ILRUN: variants seen among roughly 807,000 people sequenced by gnomAD.
ILRUN encodes the protein protein ILRUN.
A neutral mutation model predicts 33.8 loss-of-function variants in ILRUN; 3 were observed. That is an observed-to-expected ratio of 0.09 (90% CI 0.04 to 0.23). The LOEUF (loss-of-function observed/expected upper bound fraction) is 0.23. ILRUN is among the 10% of genes least tolerant of loss of function. ILRUN has a pLI of 1.00. For synonymous variants in ILRUN, 124 were observed against 138.9 expected (o/e 0.89, Z 0.75); for missense variants, 210 against 375.1 (o/e 0.56, Z 3.64).
chr6:34,655,231 C>T (rs1028636147), intron 1 of ILRUN, among the ~76,000 whole-genome samples: 5 of 152,154 alleles, frequency 3.3e-5, no homozygotes, highest in Non-Finnish European at 7.4e-5. Flanking sequence ...TCCATCTCAG[C>T]CTCCCAAAGT....
intron 1 of ILRUN, among the ~76,000 whole-genome samples, chr6:34,674,322 C>T (rs1463327921): frequency 1.3e-5 from 2 of 152,182 alleles, no homozygotes; most frequent in African/African-American, 2.4e-5. Context: ...CCACCGCGCC[C>T]GGCCCCCAAA....
intron 3 of ILRUN, among the ~76,000 whole-genome samples, chr6:34,621,613 CT>C (rs1762013959): frequency 6.6e-6 from 1 of 152,112 alleles, no homozygotes. Flanking sequence ...AATCCCAGCA[CT>C]TTGGGTGGCC....
At chr6:34,640,190 C>T (rs1358593162) in intron 3 of ILRUN, among the ~76,000 whole-genome samples, 1 of 152,018 alleles carries the variant, frequency 6.6e-6, no homozygotes, top group Admixed American at 6.6e-5. Flanking sequence ...GGTGAAGCCA[C>T]GGATCTTTAG....
chr6:34,601,704 CG>C (rs200798135), intron 4 of ILRUN, among the ~76,000 whole-genome samples: 3,841 of 95,154 alleles, frequency 0.04, 158 homozygotes, highest in African/African-American at 0.16. Flanking sequence ...CTCCAGTACC[CG>C]CCCCCCCAAC....
At chr6:34,694,068 G>A (rs1763704939) in intron 1 of ILRUN, among the ~76,000 whole-genome samples, 1 of 152,102 alleles carries the variant, frequency 6.6e-6, no homozygotes, top group African/African-American at 2.4e-5. Context: ...TGATCCTCCT[G>A]CCTCACCTGG....
chr6:34,616,664 G>T, intron 3 of ILRUN: 1 of 1,175,680 alleles, frequency 8.5e-7, no homozygotes, highest in South Asian at 1.2e-5. Flanking sequence ...GCTTTGAAAG[G>T]CAAGGAGGAA....
At chr6:34,620,771 G>A (rs1181862643) in intron 3 of ILRUN, among the ~76,000 whole-genome samples, 2 of 152,348 alleles carry the variant, frequency 1.3e-5, no homozygotes, top group African/African-American at 2.4e-5. Context: ...TGAGGCTGCA[G>A]TAAGCTACGA....
At chr6:34,601,781 T>C (rs2127315491) in intron 4 of ILRUN, among the ~76,000 whole-genome samples, 1 of 151,426 alleles carries the variant, frequency 6.6e-6, no homozygotes, top group Middle Eastern at 3.4e-3. Flanking sequence ...TCAACATAGA[T>C]AGCAGCAGGT....
At chr6:34,663,590 T>C (rs548104732) in intron 1 of ILRUN, among the ~76,000 whole-genome samples, 2 of 152,272 alleles carry the variant, frequency 1.3e-5, no homozygotes, top group African/African-American at 4.8e-5. Context: ...GCAATCCTCC[T>C]GCCTTGGCCT....
intron 3 of ILRUN, among the ~76,000 whole-genome samples, chr6:34,642,714 C>A (rs190792937): frequency 1.4e-5 from 2 of 147,836 alleles, no homozygotes; most frequent in Non-Finnish European, 3.0e-5. Flanking sequence ...GAGAGCTGGG[C>A]ACAGTGGCTC....
rs1762569145 is a variant in ILRUN, at chr6:34,646,638, C to A, written c.474G>T (p.Gln158His). The A allele has an allele frequency of 1.2e-6, 2 of 1,614,038 alleles. No individual in the cohort carries two copies. The highest frequency in any genetic ancestry group is 2.7e-5 in the African/African-American group (2 of 74,930). ...SPSRAGMYQG[Q>H]WRMCTATGLY... is the part of the protein sequence containing the mutation. ...GTCCTGTAGCAGTGCACATCCGCCA[C>A]TGTCCCTGATACATTCCTGCTCTGC... Residue 158 changes from glutamine (Q) to histidine (H), a missense_variant, in exon 3 of 5, where the codon CAG becomes CAT. Around this residue, in one of 4 missense-constraint regions of ILRUN, gnomAD observed 60 missense variants for 138.1 expected, o/e 0.43. Coordinates refer to ENST00000374023, the MANE Select transcript of ILRUN (RefSeq NM_024294.4). This position sits in a 1 kb window ranked among gnomAD's most constrained non-coding sequence, Gnocchi z 4.9.
intron 1 of ILRUN, among the ~76,000 whole-genome samples, chr6:34,663,878 G>A (rs574638939): frequency 6.6e-6 from 1 of 152,274 alleles, no homozygotes; most frequent in South Asian, 2.1e-4. Flanking sequence ...TTAATCAGCT[G>A]ACCTTAAAAT....
In ILRUN at chr6:34,606,587, C is replaced by T. The variant is rs1441314626; in HGVS notation, c.829G>A (p.Ala277Thr). 6.2e-6 allele frequency: 10 copies of T among 1,613,880 alleles called. No homozygotes were observed. The highest frequency in any genetic ancestry group is 2.2e-5 in the East Asian group (1 of 44,896). Residue 277 changes from alanine to threonine, a missense_variant, in exon 4 of 5, where the codon GCA becomes ACA. This residue lies in a region of ILRUN where 81 missense variants were observed against 97.0 expected (regional missense o/e 0.84). Transcript: ENST00000374023. ...TAAGTCACTACTGATAAGTTGTTTG[C>T]GTGACTGCTGGGAGACAGATTTACA... The part of the protein sequence containing the change: ...NSVNLSPSSH[A>T]NNLSVVTYSK...
chr6:34,687,990 T>A (rs1763561164), intron 1 of ILRUN, among the ~76,000 whole-genome samples: 1 of 152,052 alleles, frequency 6.6e-6, no homozygotes, highest in Non-Finnish European at 1.5e-5. Flanking sequence ...TATTCAAAAC[T>A]TTACTACTCA....
chr6:34,614,731 T>C (rs1582046073), intron 3 of ILRUN, among the ~76,000 whole-genome samples: 2 of 152,018 alleles, frequency 1.3e-5, no homozygotes. Context: ...AACTCTACAA[T>C]AGAAAAACCT....
At chr6:34,643,516 T>G (rs1287861364) in intron 3 of ILRUN, among the ~76,000 whole-genome samples, 3 of 152,114 alleles carry the variant, frequency 2.0e-5, no homozygotes, top group Non-Finnish European at 2.9e-5. Context: ...TTCCTAGTCT[T>G]AAAAATCTTT....
intron 1 of ILRUN, among the ~76,000 whole-genome samples, chr6:34,694,432 A>G (rs1469672668): frequency 2.0e-5 from 3 of 152,204 alleles, no homozygotes; most frequent in Non-Finnish European, 4.4e-5. Context: ...GGTGGGAAGC[A>G]GTCAGGCAAG....
chr6:34,640,591 T>C (rs1487352854), intron 3 of ILRUN, among the ~76,000 whole-genome samples: 1 of 151,864 alleles, frequency 6.6e-6, no homozygotes, highest in Admixed American at 6.6e-5. Flanking sequence ...GCACCTGTAG[T>C]CCCAGCTATT....
At chr6:34,613,222 C>A (rs1450308587) in intron 3 of ILRUN, among the ~76,000 whole-genome samples, 1 of 151,048 alleles carries the variant, frequency 6.6e-6, no homozygotes, top group South Asian at 2.1e-4. Context: ...TCAAAAACAA[C>A]AACAACAACA....
Sources: gnomAD v4.1 joint callset for allele counts (sites outside exome capture counted in the v4.1 genomes callset) on GRCh38, gnomAD v4.1.1 for gene constraint, gnomAD v4.1.1 regional missense constraint, Gnocchi (gnomAD v3.1) non-coding constraint, MANE v1.5 for transcripts, NCBI Gene and HGNC (gene_info 2026-07-23, HGNC 2026-07-21) for gene names.